The following FARP1 variants were observed in gnomAD, a reference collection of about 807,000 sequenced individuals.
FARP1 encodes FERM, ARH/RhoGEF and pleckstrin domain protein 1.
A neutral mutation model predicts 128.8 loss-of-function variants in FARP1; 52 were observed. That is an observed-to-expected ratio of 0.40 (90% CI 0.32 to 0.51). FARP1 has a LOEUF of 0.51. Among genes scored for constraint, FARP1 ranks in the 20% least tolerant of loss-of-function variants. The pLI is 0.45. For synonymous variants in FARP1, 580 were observed against 551.8 expected (o/e 1.05, Z -0.72); for missense variants, 1,333 against 1,367.9 (o/e 0.97, Z 0.40).
Position 98,290,088 on chromosome 13 carries a change from A to T in FARP1, c.172-53674A>T, listed in dbSNP as rs992470482. 9.5e-5 allele frequency among the ~76,000 whole-genome samples: 12 copies of T among 126,054 alleles called. No homozygotes were observed. The Admixed American group carries it at 1.0e-3, about 11-fold the overall frequency. 82.7% of individuals were successfully genotyped at this position (126,054 alleles called of 152,430 possible). A position where few individuals can be genotyped will look rare whatever the true frequency, so the allele number is the denominator to read the frequency against. On this transcript the variant is annotated intron_variant, in intron 2 of 26. Coordinates refer to ENST00000319562, the MANE Select transcript of FARP1 (RefSeq NM_005766.4). ...TTTTTTTTGGTGTTGGGTGGCGAGG[A>T]GGGAGTGGTGAGGTTGGGAAGGGCA...
At chr13:98,215,559 T>C (rs1881008720) in intron 2 of FARP1, among the ~76,000 whole-genome samples, 2 of 152,204 alleles carry the variant, frequency 1.3e-5, no homozygotes, top group African/African-American at 4.8e-5. Context: ...TGACACAAAG[T>C]GTTTGGAGCA....
chr13:98,216,372 A>G (rs1446124976), intron 2 of FARP1, among the ~76,000 whole-genome samples: 1 of 152,118 alleles, frequency 6.6e-6, no homozygotes, highest in Non-Finnish European at 1.5e-5. Flanking sequence ...CTTGCTGTGA[A>G]ACTTTTTGCT....
chr13:98,242,716 AG>A (rs1882846397), intron 2 of FARP1, among the ~76,000 whole-genome samples: 1 of 152,218 alleles, frequency 6.6e-6, no homozygotes, highest in Non-Finnish European at 1.5e-5. Flanking sequence ...GAAAGATGTA[AG>A]GCTATGGAAA....
intron 1 of FARP1, among the ~76,000 whole-genome samples, chr13:98,157,944 G>A (rs1275812210): frequency 6.6e-6 from 1 of 152,168 alleles, no homozygotes; most frequent in African/African-American, 2.4e-5. Flanking sequence ...GAGGTTCTGA[G>A]TTACTGCTCT....
intron 2 of FARP1, among the ~76,000 whole-genome samples, chr13:98,298,312 G>A (rs777430901): frequency 3.9e-5 from 6 of 152,140 alleles, no homozygotes; most frequent in Non-Finnish European, 7.3e-5. Flanking sequence ...ACATCTCTAC[G>A]TTCATTCGTG....
chr13:98,238,211 C>G (rs996169919), intron 2 of FARP1, among the ~76,000 whole-genome samples: 15 of 152,322 alleles, frequency 9.8e-5, no homozygotes, highest in African/African-American at 2.9e-4. Flanking sequence ...GAAAGCATAT[C>G]TGCGAAACAG....
intron 19 of FARP1, among the ~76,000 whole-genome samples, chr13:98,436,305 C>T (rs942102536): frequency 3.9e-5 from 6 of 152,184 alleles, no homozygotes; most frequent in African/African-American, 1.4e-4. Context: ...CACACTCCTT[C>T]CAGGCCAGTG....
intron 1 of FARP1, among the ~76,000 whole-genome samples, chr13:98,153,260 GTAA>G (rs1876145742): frequency 1.1e-5 from 1 of 94,934 alleles, no homozygotes; most frequent in East Asian, 3.6e-4. Context: ...GTTAAGTGAT[GTAA>G]TAATAACCTT....
intron 2 of FARP1, among the ~76,000 whole-genome samples, chr13:98,242,461 T>C (rs1306844065): frequency 6.6e-6 from 1 of 152,102 alleles, no homozygotes; most frequent in Admixed American, 6.5e-5. Context: ...AGATCTCTTA[T>C]GGCCAGGAGT....
intron 9 of FARP1, among the ~76,000 whole-genome samples, chr13:98,388,801 C>T (rs890312404): frequency 2.0e-5 from 3 of 152,214 alleles, no homozygotes; most frequent in Non-Finnish European, 4.4e-5. Context: ...CATCCAGCCC[C>T]AGGCTACACC....
chr13:98,200,711 G>A (rs1246581756), intron 1 of FARP1, among the ~76,000 whole-genome samples: 1 of 152,122 alleles, frequency 6.6e-6, no homozygotes, highest in Admixed American at 6.5e-5. Context: ...TTGGAAAAGA[G>A]GAGAAAGGCC....
chr13:98,440,615 G>A, intron 23 of FARP1, 55 bp from the exon 24 acceptor site: 1 of 1,556,312 alleles, frequency 6.4e-7, no homozygotes, highest in Admixed American at 1.9e-5. Context: ...GAGTGTATCA[G>A]GAAGGGGCGC....
intron 2 of FARP1, among the ~76,000 whole-genome samples, chr13:98,241,350 G>C (rs1882760684): frequency 6.6e-6 from 1 of 152,034 alleles, no homozygotes; most frequent in South Asian, 2.1e-4. Context: ...GGAGTGTGGG[G>C]CATTTTGATG....
intron 2 of FARP1, among the ~76,000 whole-genome samples, chr13:98,319,435 A>G (rs1391697964): frequency 6.6e-6 from 1 of 152,212 alleles, no homozygotes; most frequent in Non-Finnish European, 1.5e-5. Flanking sequence ...CCTCGCTAAC[A>G]TGGTGAAACC....
intron 2 of FARP1, among the ~76,000 whole-genome samples, chr13:98,312,793 A>C (rs678950): frequency 6.6e-6 from 1 of 152,054 alleles, no homozygotes; most frequent in African/African-American, 2.4e-5. Flanking sequence ...TTGAGTCACT[A>C]TAGAGGCCGT....
intron 2 of FARP1, among the ~76,000 whole-genome samples, chr13:98,295,046 T>TACACAC (rs746373395): frequency 1.4e-3 from 149 of 108,380 alleles, no homozygotes; most frequent in Non-Finnish European, 2.2e-3. Flanking sequence ...ATATATATAT[T>TACACAC]ACACACACAC....
At chr13:98,179,123 A>G (rs1309023836) in intron 1 of FARP1, among the ~76,000 whole-genome samples, 1 of 152,218 alleles carries the variant, frequency 6.6e-6, no homozygotes. Flanking sequence ...TACAAAAGAA[A>G]AAGGCTTAAT....
At chr13:98,232,134 T>C (rs796648979) in intron 2 of FARP1, among the ~76,000 whole-genome samples, 5 of 135,666 alleles carry the variant, frequency 3.7e-5, no homozygotes, top group Non-Finnish European at 6.2e-5. Flanking sequence ...CCGGCTTTTT[T>C]TGTTTGGTTG....
intron 1 of FARP1, among the ~76,000 whole-genome samples, chr13:98,171,441 T>C (rs1333775298): frequency 2.0e-5 from 3 of 152,194 alleles, no homozygotes; most frequent in Non-Finnish European, 4.4e-5. Flanking sequence ...TCACTTATGA[T>C]ACAAATCATC....
Sources: gnomAD v4.1 joint callset for allele counts (sites outside exome capture counted in the v4.1 genomes callset) on GRCh38, gnomAD v4.1.1 for gene constraint, MANE v1.5 for transcripts, NCBI Gene and HGNC (gene_info 2026-07-23, HGNC 2026-07-21) for gene names.